DYRK4: variants seen among roughly 807,000 people sequenced by gnomAD.
DYRK4 encodes the protein dual specificity tyrosine phosphorylation regulated kinase 4.
Under a neutral mutation model 68.3 loss-of-function variants are expected in DYRK4, and 64 were observed. The observed-to-expected ratio is 0.94, with a 90% CI of 0.77 to 1.15. DYRK4 has a LOEUF of 1.15. DYRK4 is among the 50% of genes most tolerant of loss of function. DYRK4 has a pLI of 0.00. For missense variants in DYRK4, 740 were observed against 764.7 expected (o/e 0.97, Z 0.38); for synonymous variants, 274 against 289.9 (o/e 0.95, Z 0.56).
At chr12:4,606,756 C>G (rs1945156416) in intron 11 of DYRK4, among the ~76,000 whole-genome samples, 2 of 152,204 alleles carry the variant, frequency 1.3e-5, no homozygotes, top group Admixed American at 1.3e-4. Context: ...GTCTGAGGAA[C>G]AGAAGAGCAG....
At chr12:4,596,051 A>G in intron 6 of DYRK4, 98 bp from the exon 7 acceptor site, 1 of 1,327,692 alleles carries the variant, frequency 7.5e-7, no homozygotes, top group Non-Finnish European at 1.1e-6. Flanking sequence ...TTCCTCCAGG[A>G]GTGAGCCATA....
intron 11 of DYRK4, among the ~76,000 whole-genome samples, chr12:4,605,729 G>GT (rs58963826): frequency 0.029 from 2,946 of 101,900 alleles, 423 homozygotes; most frequent in African/African-American, 0.096. Context: ...ATAGAGCTGG[G>GT]TTTTTTTTTT....
At chr12:4,593,239 C>T (rs539945708) in intron 6 of DYRK4, 74 bp downstream of exon 6, 70 of 1,534,408 alleles carry the variant, frequency 4.6e-5, no homozygotes, top group East Asian at 2.3e-4. Context: ...AAAAAAGCAA[C>T]GGTATTTTGT....
At chr12:4,605,126 G>A (rs143121517) in intron 11 of DYRK4, 40 bp downstream of exon 11, 15 of 1,586,336 alleles carry the variant, frequency 9.5e-6, no homozygotes, top group African/African-American at 2.7e-5. Flanking sequence ...CGGAGACCGT[G>A]GGCTTGGCCC....
At chr12:4,602,089 C>A (rs929379963) in intron 10 of DYRK4, 27 of 459,134 alleles carry the variant, frequency 5.9e-5, no homozygotes, top group Non-Finnish European at 1.1e-4. Flanking sequence ...AGTTCTTGAA[C>A]CACTTTTCTA....
At chr12:4,566,252 A>G (rs2137315738) in intron 1 of DYRK4, among the ~76,000 whole-genome samples, 1 of 152,314 alleles carries the variant, frequency 6.6e-6, no homozygotes, top group South Asian at 2.1e-4. Context: ...TCTGATCTTC[A>G]GCCCAGGTTT....
At chr12:4,599,251 A>C in intron 9 of DYRK4, 85 bp downstream of exon 9, 2 of 1,329,098 alleles carry the variant, frequency 1.5e-6, no homozygotes, top group Non-Finnish European at 2.1e-6. Flanking sequence ...ACAAACTCCA[A>C]TCAAATAATT....
intron 12 of DYRK4, among the ~76,000 whole-genome samples, chr12:4,609,074 G>C (rs1296568659): frequency 1.3e-5 from 2 of 152,160 alleles, no homozygotes; most frequent in African/African-American, 4.8e-5. Context: ...AGCAGGAAGG[G>C]AACACAGAGC....
chr12:4,611,945 C>G (rs1263486792), intron 13 of DYRK4, among the ~76,000 whole-genome samples: 1 of 152,104 alleles, frequency 6.6e-6, no homozygotes, highest in Non-Finnish European at 1.5e-5. Flanking sequence ...AGTTTTGGCA[C>G]AATAAAAGTC....
Position 4,591,031 on chromosome 12 carries a change from G to C in DYRK4, c.325-129G>C. ...AGGGAGAACCTTCTGTCTCTTAATC[G>C]CTGTTTTCTCCCTGGAGAGGTAGGT... On this transcript the variant is annotated intron_variant, in intron 4 of 14. Transcript: ENST00000543431. The surrounding 1 kb of genome is among the most constrained non-coding windows in gnomAD (Gnocchi z 4.1). 3.7e-6 allele frequency: 4 copies of C among 1,083,170 alleles called. No homozygotes were observed. Among genetic ancestry groups the C allele is most frequent in the South Asian group, 3.4e-5 (2 of 58,642 alleles). 67.1% of individuals were successfully genotyped at this position (1,083,170 alleles called of 1,614,324 possible). A position where few individuals can be genotyped will look rare whatever the true frequency, so the allele number is the denominator to read the frequency against.
At chr12:4,563,522 G>A (rs1944649248) in intron 1 of DYRK4, among the ~76,000 whole-genome samples, 1 of 152,192 alleles carries the variant, frequency 6.6e-6, no homozygotes, top group Non-Finnish European at 1.5e-5. Flanking sequence ...TCATAGAAAT[G>A]CAATGACCAC....
chr12:4,573,022 G>A (rs999355302), intron 2 of DYRK4: 1 of 302,940 alleles, frequency 3.3e-6, no homozygotes, highest in African/African-American at 2.2e-5. Flanking sequence ...ATGGAAATCA[G>A]TTCAAGCTGA....
At chr12:4,594,703 A>AGG (rs1565538717) in intron 6 of DYRK4, among the ~76,000 whole-genome samples, 1 of 124,170 alleles carries the variant, frequency 8.1e-6, no homozygotes, top group African/African-American at 3.3e-5. Context: ...CAAATCTTAG[A>AGG]AAAGCCTTTT....
chr12:4,565,574 G>T (rs1218315945), intron 1 of DYRK4, among the ~76,000 whole-genome samples: 1 of 151,902 alleles, frequency 6.6e-6, no homozygotes, highest in African/African-American at 2.4e-5. Flanking sequence ...CTCCAGCGCT[G>T]TCAGAGCTGA....
chr12:4,607,495 T>G (rs897296709), intron 12 of DYRK4, 108 bp downstream of exon 12: 48 of 1,216,846 alleles, frequency 3.9e-5, no homozygotes, highest in Non-Finnish European at 4.9e-5. Context: ...GGGCTGTGAT[T>G]AAGAGCGTCT....
At chr12:4,578,775 G>A (rs1373629853) in intron 2 of DYRK4, among the ~76,000 whole-genome samples, 4 of 152,182 alleles carry the variant, frequency 2.6e-5, no homozygotes, top group South Asian at 4.1e-4. Context: ...CACAGCCAGC[G>A]AGTGGCAGCA....
chr12:4,565,001 C>T (rs1944662649), intron 1 of DYRK4, among the ~76,000 whole-genome samples: 1 of 152,190 alleles, frequency 6.6e-6, no homozygotes, highest in Non-Finnish European at 1.5e-5. Context: ...GGAAGGAGAA[C>T]TCCGATCTGC....
intron 2 of DYRK4, among the ~76,000 whole-genome samples, chr12:4,568,292 A>G (rs951782675): frequency 6.6e-6 from 1 of 152,184 alleles, no homozygotes; most frequent in African/African-American, 2.4e-5. Flanking sequence ...GAGTGCATCC[A>G]TGGTATCTTT....
At chr12:4,589,554 C>T (rs2137359643) in intron 3 of DYRK4, among the ~76,000 whole-genome samples, 1 of 152,220 alleles carries the variant, frequency 6.6e-6, no homozygotes, top group African/African-American at 2.4e-5. Flanking sequence ...TTTTTAGATC[C>T]CATAAATAAG....
Sources: allele counts gnomAD v4.1 joint callset (sites outside exome capture counted in the v4.1 genomes callset), GRCh38; gene constraint gnomAD v4.1.1; non-coding constraint Gnocchi (gnomAD v3.1); transcripts MANE v1.5; gene names NCBI Gene and HGNC (gene_info 2026-07-23, HGNC 2026-07-21).